TBC1D22A: variants seen among roughly 807,000 people sequenced by gnomAD.
TBC1D22A encodes putative GTPase activator.
In TBC1D22A, 38 loss-of-function variants were observed where a neutral mutation model predicts 60.2. The ratio of observed to expected loss-of-function variants is 0.63; its 90% CI spans 0.49 to 0.83. The LOEUF (loss-of-function observed/expected upper bound fraction) is 0.83. Ranked by LOEUF, TBC1D22A falls within the 40% of genes least tolerant of loss-of-function variation. TBC1D22A has a pLI of 0.00. For missense variants in TBC1D22A, 628 were observed against 701.0 expected (o/e 0.90, Z 1.18); for synonymous variants, 302 against 281.7 (o/e 1.07, Z -0.72).
chr22:47,114,275 A>C (rs12158949), intron 12 of TBC1D22A, among the ~76,000 whole-genome samples: 1 of 150,228 alleles, frequency 6.7e-6, no homozygotes, highest in Non-Finnish European at 1.5e-5. Context: ...TGTGGGGTGC[A>C]GGGTGTGGGG....
rs1197157403 is a variant in TBC1D22A at position 46,900,298 on chromosome 22, C to T, written c.900+5452C>T. On this transcript the variant is annotated intron_variant, in intron 7 of 12. Transcript: ENST00000337137. ...TCCCGAGTAGCTGGGATTACAGGCACCCACCACCATGTCCAGCTAATTTTT... is the reference window on the plus strand; with the variant it reads ...TCCCGAGTAGCTGGGATTACAGGCATCCACCACCATGTCCAGCTAATTTTT... 1.1e-4 allele frequency among the ~76,000 whole-genome samples: 16 copies of T among 151,970 alleles called. 1 individual carries two copies. Among genetic ancestry groups the T allele is most frequent in the Admixed American group, 8.5e-4 (13 of 15,266 alleles).
intron 12 of TBC1D22A, among the ~76,000 whole-genome samples, chr22:47,166,698 T>C (rs2068221434): frequency 6.6e-6 from 1 of 152,242 alleles, no homozygotes; most frequent in Admixed American, 6.5e-5. Context: ...GTGGGCTGAG[T>C]GTCCTCAGTG....
Position 47,037,197 on chromosome 22 carries a change from A to G in TBC1D22A, c.1328A>G (p.Gln443Arg). 2 of 1,613,452 alleles carry G rather than the reference A, an allele frequency of 1.2e-6. No individual in the cohort carries two copies. The highest frequency in any genetic ancestry group is 1.7e-5 in the Admixed American group (1 of 60,030). ...RCTIRLWDTY[Q>R]SEPDGFSHFH... ...ACCATCCGCCTGTGGGACACCTACC[A>G]GGTGAGCTCTCCTTCGCACCCTCCG... The change falls in exon 11 of 13, where the codon CAG becomes CGG. Residue 443 changes from glutamine to arginine, a missense_variant and splice_region_variant. Physicochemically the swap from Gln to Arg is conservative, Grantham distance 43. Coordinates refer to ENST00000337137, the MANE Select transcript of TBC1D22A (RefSeq NM_014346.5).
chr22:46,958,547 C>T (rs1418626593), intron 8 of TBC1D22A, among the ~76,000 whole-genome samples: 1 of 152,222 alleles, frequency 6.6e-6, no homozygotes, highest in East Asian at 1.9e-4. Context: ...ATGTGTGATG[C>T]AGAGTTAATT....
rs192747927 is a variant in TBC1D22A at position 46,954,076 on chromosome 22, C to G, written c.1016-20214C>G. Reference sequence around the variant, plus strand: ...GGTCGAGGATCAGGTCACGGTCACACTAGTGTAGTTAAAATGCTGTTACCA... The same window carrying G: ...GGTCGAGGATCAGGTCACGGTCACAGTAGTGTAGTTAAAATGCTGTTACCA... On this transcript the variant is annotated intron_variant, in intron 8 of 12. Coordinates refer to ENST00000337137, the MANE Select transcript of TBC1D22A (RefSeq NM_014346.5). Among the ~76,000 whole-genome samples the G allele has an allele frequency of 3.5e-4, 54 of 152,292 alleles. No individual in the cohort carries two copies. In the East Asian group the frequency reaches 6.2e-3, roughly 17 times the overall value.
At chr22:46,941,724 A>AATGTATATACGGAATATATATATGCGGG (rs2072136395) in intron 8 of TBC1D22A, among the ~76,000 whole-genome samples, 1 of 125,106 alleles carries the variant, frequency 8.0e-6, no homozygotes, top group Admixed American at 8.4e-5. Flanking sequence ...ATATACGCGG[A>AATGTATATACGGAATATATATATGCGGG]ATGTATATAC....
intron 7 of TBC1D22A, among the ~76,000 whole-genome samples, chr22:46,905,199 A>G (rs528271295): frequency 2.0e-5 from 3 of 152,346 alleles, no homozygotes; most frequent in Admixed American, 1.3e-4. Flanking sequence ...TTGGGATTAG[A>G]ACTAGTTTTT....
At chr22:46,979,224 G>A (rs913690893) in intron 9 of TBC1D22A, among the ~76,000 whole-genome samples, 1 of 152,118 alleles carries the variant, frequency 6.6e-6, no homozygotes, top group African/African-American at 2.4e-5. Flanking sequence ...TATTACCACC[G>A]TCTCATAAGA....
chr22:47,121,236 A>G (rs547594043), intron 12 of TBC1D22A, among the ~76,000 whole-genome samples: 12 of 152,362 alleles, frequency 7.9e-5, no homozygotes, highest in Admixed American at 7.8e-4. Context: ...GCCTCCTGGA[A>G]GTGGATGAAG....
At chr22:47,101,796 G>A (rs2065427922) in intron 11 of TBC1D22A, among the ~76,000 whole-genome samples, 1 of 152,178 alleles carries the variant, frequency 6.6e-6, no homozygotes, top group Admixed American at 6.5e-5. Context: ...CATCTTCCTT[G>A]ACGGGAGATG....
chr22:47,165,729 CCTG>C (rs1457840282), intron 12 of TBC1D22A, among the ~76,000 whole-genome samples: 2 of 152,122 alleles, frequency 1.3e-5, no homozygotes, highest in Non-Finnish European at 2.9e-5. Flanking sequence ...CCGAGGGCCT[CCTG>C]CTGGGAAATG....
rs1052894801 is a variant in TBC1D22A at position 47,093,280 on chromosome 22, G to T, written c.1330-18228G>T. Among the ~76,000 whole-genome samples, 12 of 152,318 alleles carry T rather than the reference G, an allele frequency of 7.9e-5. 1 individual carries two copies. In the South Asian group the frequency reaches 2.3e-3, roughly 29 times the overall value. ...GTGATCCTGCGCCGAGTCTCCTGTGGTCTCCTCTAAGCACCTGCTGGTGAC... is the reference window on the plus strand; with the variant it reads ...GTGATCCTGCGCCGAGTCTCCTGTGTTCTCCTCTAAGCACCTGCTGGTGAC... On this transcript the variant is annotated intron_variant, in intron 11 of 12. Coordinates refer to ENST00000337137, the MANE Select transcript of TBC1D22A (RefSeq NM_014346.5).
At chr22:47,162,359 TCTCAGGTCCCCGTGGCATTGA>T (rs1251731120) in intron 12 of TBC1D22A, among the ~76,000 whole-genome samples, 1 of 152,172 alleles carries the variant, frequency 6.6e-6, no homozygotes, top group Non-Finnish European at 1.5e-5. Flanking sequence ...GTGCGTTCAA[TCTCAGGTCCCCGTGGCATTGA>T]CTGAGGCCCC....
chr22:46,945,728 G>A (rs1233059361), intron 8 of TBC1D22A, among the ~76,000 whole-genome samples: 8 of 152,162 alleles, frequency 5.3e-5, no homozygotes, highest in Non-Finnish European at 5.9e-5. Flanking sequence ...CTCTGTCAGG[G>A]CACACACTTT....
At chr22:47,043,375 G>A (rs538256736) in intron 11 of TBC1D22A, among the ~76,000 whole-genome samples, 1 of 152,304 alleles carries the variant, frequency 6.6e-6, no homozygotes, top group Non-Finnish European at 1.5e-5. Flanking sequence ...GCCAGGATGC[G>A]GCTGTCCCCG....
At chr22:46,848,971 C>T (rs1164525131) in intron 4 of TBC1D22A, among the ~76,000 whole-genome samples, 1 of 152,046 alleles carries the variant, frequency 6.6e-6, no homozygotes, top group Non-Finnish European at 1.5e-5. Context: ...CCCTCTCCTC[C>T]CTGTCCCCAG....
At chr22:46,852,811 A>T (rs907510004) in intron 4 of TBC1D22A, among the ~76,000 whole-genome samples, 1 of 152,166 alleles carries the variant, frequency 6.6e-6, no homozygotes, top group Non-Finnish European at 1.5e-5. Context: ...GAGCTCCTCT[A>T]GGGAGAGCTG....
At chr22:46,926,734 A>C (rs2071070702) in intron 8 of TBC1D22A, among the ~76,000 whole-genome samples, 1 of 152,196 alleles carries the variant, frequency 6.6e-6, no homozygotes, top group Non-Finnish European at 1.5e-5. Context: ...TCTTCTCAAG[A>C]CTGCCTCACG....
chr22:46,876,643 G>T (rs956490448), intron 4 of TBC1D22A, among the ~76,000 whole-genome samples: 5 of 152,178 alleles, frequency 3.3e-5, no homozygotes, highest in African/African-American at 1.2e-4. Flanking sequence ...CCCAAGAGCC[G>T]GGTGGAGTGT....
Sources: allele counts gnomAD v4.1 joint callset (sites outside exome capture counted in the v4.1 genomes callset), GRCh38; gene constraint gnomAD v4.1.1; transcripts MANE v1.5; gene names NCBI Gene and HGNC (gene_info 2026-07-23, HGNC 2026-07-21).